The following CTNND2 variants were observed in gnomAD, a reference collection of about 807,000 sequenced individuals.
The protein encoded by CTNND2 is catenin delta 2.
A neutral mutation model predicts 144.4 loss-of-function variants in CTNND2; 22 were observed. The ratio of observed to expected loss-of-function variants is 0.15; its 90% CI spans 0.11 to 0.22. The LOEUF (loss-of-function observed/expected upper bound fraction) is 0.22. Ranked by LOEUF, CTNND2 falls within the 10% of genes least tolerant of loss-of-function variation. The pLI is 1.00. For missense variants in CTNND2, 1,353 were observed against 1,618.8 expected (o/e 0.84, Z 2.82); for synonymous variants, 751 against 695.6 (o/e 1.08, Z -1.25).
chr5:11,693,178 C>T (rs1034183145), intron 2 of CTNND2, among the ~76,000 whole-genome samples: 6 of 152,128 alleles, frequency 3.9e-5, no homozygotes, highest in Non-Finnish European at 5.9e-5. Flanking sequence ...CAGATGAGGA[C>T]GCGGGAAAAA....
chr5:11,330,480 T>A (rs1315816734), intron 9 of CTNND2, among the ~76,000 whole-genome samples: 2 of 42,792 alleles, frequency 4.7e-5, no homozygotes, highest in African/African-American at 1.1e-4. Context: ...AGAGACTCCG[T>A]CTCAAAAAAA....
At chr5:11,731,720 T>G (rs1216504003) in intron 2 of CTNND2, among the ~76,000 whole-genome samples, 1 of 152,190 alleles carries the variant, frequency 6.6e-6, no homozygotes, top group African/African-American at 2.4e-5. Context: ...AAAAACCAAT[T>G]TGCCTTGACT....
At chr5:11,898,576 A>C (rs1737594592) in intron 1 of CTNND2, among the ~76,000 whole-genome samples, 1 of 152,122 alleles carries the variant, frequency 6.6e-6, no homozygotes. Flanking sequence ...TTCCCCCATC[A>C]TCTAGTGTTA....
chr5:11,708,746 A>T (rs1479048051), intron 2 of CTNND2, among the ~76,000 whole-genome samples: 1 of 152,106 alleles, frequency 6.6e-6, no homozygotes, highest in African/African-American at 2.4e-5. Flanking sequence ...GCAACAGGCC[A>T]CATTTAAGGC....
chr5:11,709,051 G>A lies in CTNND2; in HGVS notation c.174+23085C>T, dbSNP rs115397688. The stretch of plus-strand genomic sequence containing the variant: ...TACTATGATAACAAAGTGAAAACTA[G>A]GTATCCTGTAAGATTGAAGAATGGC... On this transcript the variant is annotated intron_variant, in intron 2 of 21. Transcript: ENST00000304623. Among the ~76,000 whole-genome samples the A allele has an allele frequency of 4.5e-3, 682 of 152,264 alleles. 10 individuals carry two copies. Among genetic ancestry groups the A allele is most frequent in the African/African-American group, 0.014 (594 of 41,556 alleles).
At chr5:10,983,263 A>G (rs35024371) in intron 20 of CTNND2, among the ~76,000 whole-genome samples, 3,867 of 152,330 alleles carry the variant, frequency 0.025, 79 homozygotes, top group Middle Eastern at 0.031. Context: ...CATGGACCCC[A>G]TAAGTAAGTA....
chr5:10,982,436 G>A (rs886684735), intron 20 of CTNND2, among the ~76,000 whole-genome samples: 2 of 152,234 alleles, frequency 1.3e-5, no homozygotes, highest in Non-Finnish European at 2.9e-5. Flanking sequence ...TCGTCTAGAC[G>A]AAAGAGATGA....
At chr5:11,650,076 T>C (rs1782567677) in intron 2 of CTNND2, among the ~76,000 whole-genome samples, 1 of 152,212 alleles carries the variant, frequency 6.6e-6, no homozygotes, top group Non-Finnish European at 1.5e-5. Context: ...CACCCAAATC[T>C]CTTGTTGAAT....
At chr5:11,680,886 G>A (rs1441961836) in intron 2 of CTNND2, among the ~76,000 whole-genome samples, 1 of 152,132 alleles carries the variant, frequency 6.6e-6, no homozygotes, top group Non-Finnish European at 1.5e-5. Flanking sequence ...TAGGTAAATA[G>A]AGCTCCACCA....
At chr5:11,141,834 T>C (rs971688200) in intron 12 of CTNND2, among the ~76,000 whole-genome samples, 2 of 152,230 alleles carry the variant, frequency 1.3e-5, no homozygotes, top group Admixed American at 6.5e-5. Flanking sequence ...TTCTCCAAAT[T>C]CATGTGTTGG....
intron 13 of CTNND2, among the ~76,000 whole-genome samples, chr5:11,116,112 A>G (rs556196445): frequency 1.4e-4 from 22 of 152,246 alleles, no homozygotes; most frequent in Non-Finnish European, 2.9e-4. Context: ...GACCAGAGTT[A>G]GACAGTTGGG....
At chr5:11,737,733 G>A (rs1476757793) in intron 1 of CTNND2, among the ~76,000 whole-genome samples, 1 of 152,120 alleles carries the variant, frequency 6.6e-6, no homozygotes, top group Non-Finnish European at 1.5e-5. Flanking sequence ...GTTAAATGGG[G>A]TCACAGAGTG....
At chr5:11,221,983 G>A (rs1396166689) in intron 10 of CTNND2, among the ~76,000 whole-genome samples, 1 of 152,204 alleles carries the variant, frequency 6.6e-6, no homozygotes, top group African/African-American at 2.4e-5. Flanking sequence ...TTCAGGTACA[G>A]GTCTTCTTCT....
At chr5:11,124,119 T>C (rs1297325944) in intron 12 of CTNND2, among the ~76,000 whole-genome samples, 2 of 152,194 alleles carry the variant, frequency 1.3e-5, no homozygotes, top group Non-Finnish European at 1.5e-5. Context: ...TGACAATCTT[T>C]TAATTCAACA....
intron 9 of CTNND2, among the ~76,000 whole-genome samples, chr5:11,237,587 A>G (rs1741786647): frequency 6.6e-6 from 1 of 151,404 alleles, no homozygotes; most frequent in Non-Finnish European, 1.5e-5. Context: ...CGCAGCCTCA[A>G]ACTCCTGGGC....
chr5:10,983,036 T>C (rs1369176726), intron 20 of CTNND2, among the ~76,000 whole-genome samples: 1 of 152,086 alleles, frequency 6.6e-6, no homozygotes, highest in African/African-American at 2.4e-5. Flanking sequence ...TAAGAGGGGA[T>C]GGTTAATGGG....
intron 12 of CTNND2, among the ~76,000 whole-genome samples, chr5:11,134,006 T>C (rs1236310753): frequency 6.6e-6 from 1 of 152,160 alleles, no homozygotes; most frequent in Non-Finnish European, 1.5e-5. Context: ...TCAAGGTTGC[T>C]AATCAGCTGA....
intron 10 of CTNND2, among the ~76,000 whole-genome samples, chr5:11,233,218 C>T (rs1377608848): frequency 6.6e-6 from 1 of 151,976 alleles, no homozygotes; most frequent in Non-Finnish European, 1.5e-5. Flanking sequence ...GCAGGAAAAG[C>T]CAGGGATGAG....
intron 8 of CTNND2, among the ~76,000 whole-genome samples, chr5:11,357,181 T>C (rs551910917): frequency 6.6e-6 from 1 of 152,136 alleles, no homozygotes; most frequent in South Asian, 2.1e-4. Context: ...CCTAGGTATA[T>C]ACCCAAAGAA....
Sources: allele counts gnomAD v4.1 joint callset (sites outside exome capture counted in the v4.1 genomes callset), GRCh38; gene constraint gnomAD v4.1.1; transcripts MANE v1.5; gene names NCBI Gene and HGNC (gene_info 2026-07-23, HGNC 2026-07-21).